FLAD1: variants seen among roughly 807,000 people sequenced by gnomAD.
FLAD1 encodes the protein flavin adenine dinucleotide synthetase 1.
Under a neutral mutation model 55.0 loss-of-function variants are expected in FLAD1, and 35 were observed. That is an observed-to-expected ratio of 0.64 (90% CI 0.49 to 0.84). The LOEUF (loss-of-function observed/expected upper bound fraction) is 0.84. Among genes scored for constraint, FLAD1 ranks in the 40% least tolerant of loss-of-function variants. The probability of loss-of-function intolerance (pLI) is 0.00; values close to 1 mark genes in which losing one functional copy is unlikely to be tolerated. For synonymous variants in FLAD1, 267 were observed against 303.0 expected (o/e 0.88, Z 1.23); for missense variants, 665 against 742.6 (o/e 0.90, Z 1.21).
In FLAD1 at chr1:154,990,241, C is replaced by G. The variant is rs1242090901; in HGVS notation, c.1348C>G (p.Gln450Glu). Residue 450 changes from glutamine to glutamate, a missense_variant, in exon 4 of 7, where the codon CAG becomes GAG. Coordinates refer to ENST00000292180, the MANE Select transcript of FLAD1 (RefSeq NM_025207.5). ...SPFPELEQFL[Q>E]DTIKRYNLQM... Reference sequence around the variant, plus strand: ...TTTCCCTGAGCTGGAACAGTTTCTACAGGACACTATCAAGAGGTACTAGGG... The same window carrying G: ...TTTCCCTGAGCTGGAACAGTTTCTAGAGGACACTATCAAGAGGTACTAGGG... 1.2e-6 allele frequency: 2 copies of G among 1,614,100 alleles called. No homozygotes were observed. Among genetic ancestry groups the G allele is most frequent in the Non-Finnish European group, 1.7e-6 (2 of 1,179,962 alleles).
At chr1:154,989,100 AAAG>A in intron 2 of FLAD1, 2 of 880,996 alleles carry the variant, frequency 2.3e-6, no homozygotes, top group Non-Finnish European at 3.4e-6. Flanking sequence ...TTTAACAAAA[AAAG>A]ATGGACATTA....
rs374422472 is a variant in FLAD1, at chr1:154,990,184, C to T, written c.1291C>T (p.Leu431Phe). ...GAAATTACCTGATGTTCCAAACCCC[C>T]TCCAGATCCTGTATATCCGCAGCAT... is the stretch of plus-strand genomic sequence containing the variant. Reference protein sequence around the residue: ...QRKLPDVPNPLQILYIRSISP... With the variant: ...QRKLPDVPNPFQILYIRSISP... The change falls in exon 4 of 7, where the codon CTC becomes TTC. Residue 431 changes from leucine to phenylalanine, a missense_variant. Transcript: ENST00000292180. 6.2e-6 allele frequency: 10 copies of T among 1,614,024 alleles called. No homozygotes were observed. In the African/African-American group the frequency reaches 1.2e-4, roughly 19 times the overall value.
intron 1 of FLAD1, among the ~76,000 whole-genome samples, chr1:154,985,773 T>C (rs1043459217): frequency 6.9e-6 from 1 of 144,284 alleles, no homozygotes; most frequent in Non-Finnish European, 1.5e-5. Flanking sequence ...TTGCCCAGGC[T>C]GGAGTGCAAT....
chr1:154,989,769 G>A (rs957033729), intron 3 of FLAD1, 62 bp downstream of exon 3: 68 of 1,462,736 alleles, frequency 4.6e-5, no homozygotes, highest in Non-Finnish European at 5.6e-5. Flanking sequence ...ATCCCAGAAA[G>A]CAAGGAGAAA....
At chr1:154,992,501 G>T (rs549087863) in intron 5 of FLAD1, 7 of 1,473,888 alleles carry the variant, frequency 4.7e-6, no homozygotes, top group Non-Finnish European at 5.6e-6. Context: ...CTAGAGGGTG[G>T]TTCAAGAATG....
intron 1 of FLAD1, among the ~76,000 whole-genome samples, chr1:154,985,946 G>A (rs1413542715): frequency 1.4e-4 from 21 of 150,854 alleles, no homozygotes; most frequent in African/African-American, 5.1e-4. Context: ...GGCTGGTCTC[G>A]AACTCCTGAC....
chr1:154,988,175 G>C lies in FLAD1; in HGVS notation c.443G>C (p.Arg148Pro). 6.2e-7 allele frequency: 1 copy of C among 1,614,200 alleles called. No individual in the cohort carries two copies. Among genetic ancestry groups the C allele is most frequent in the Non-Finnish European group, 8.5e-7 (1 of 1,180,048 alleles). ...CGCTCCCTAGGGGTCCAGGTTTGCC[G>C]AGTCTCAGTTGTACCTGATGAGGTA... ...TLRSLGVQVC[R>P]VSVVPDEVAT... The change falls in exon 2 of 7, where the codon CGA becomes CCA. Residue 148 changes from arginine to proline, a missense_variant. Physicochemically the swap from Arg to Pro is moderately radical, Grantham distance 103 (BLOSUM62 -2). Coordinates refer to ENST00000292180, the MANE Select transcript of FLAD1 (RefSeq NM_025207.5).
intron 1 of FLAD1, among the ~76,000 whole-genome samples, chr1:154,985,851 G>A (rs1032917513): frequency 2.7e-5 from 4 of 148,832 alleles, no homozygotes; most frequent in South Asian, 2.1e-4. Context: ...TCAGCTTCCC[G>A]AGTAGCTGGG....
In FLAD1 at chr1:154,984,252, C is replaced by G. The variant is rs78605724; in HGVS notation, c.372+186C>G. On this transcript the variant is annotated intron_variant, in intron 1 of 6. Coordinates refer to ENST00000292180, the MANE Select transcript of FLAD1 (RefSeq NM_025207.5). ...TTCTTTCAATTACTCTACTGAAAAA[C>G]TTGTAGCAAAGTCCCTACAATTTTT... Among the ~76,000 whole-genome samples, 1,512 of 152,058 alleles carry G rather than the reference C, an allele frequency of 9.9e-3. 24 individuals carry two copies. The highest frequency in any genetic ancestry group is 0.035 in the African/African-American group (1,461 of 41,470).
chr1:154,984,905 C>T (rs1657498387), intron 1 of FLAD1, among the ~76,000 whole-genome samples: 1 of 151,884 alleles, frequency 6.6e-6, no homozygotes, highest in Non-Finnish European at 1.5e-5. Flanking sequence ...TGCTCTGTCA[C>T]CTAGGCTGGA....
intron 1 of FLAD1, among the ~76,000 whole-genome samples, chr1:154,984,785 G>A (rs979053556): frequency 6.6e-6 from 1 of 151,794 alleles, no homozygotes; most frequent in South Asian, 2.1e-4. Flanking sequence ...GTGGATAAGT[G>A]AGCTAGAAGG....
rs1001586161 is a variant in FLAD1 at position 154,993,096 on chromosome 1, C to G, written c.*59C>G. The G allele has an allele frequency of 3.9e-6, 6 of 1,522,176 alleles. No homozygotes were observed. The African/African-American group carries it at 5.5e-5, about 14-fold the overall frequency. 94.3% of individuals were successfully genotyped at this position (1,522,176 alleles called of 1,614,324 possible). A position where few individuals can be genotyped will look rare whatever the true frequency, so the allele number is the denominator to read the frequency against. Reference sequence around the variant, plus strand: ...CCTAGGGTATAACCTGGCAATAAACCGTGCCTCTCACTGTGCCTGTTGCTC... The same window carrying G: ...CCTAGGGTATAACCTGGCAATAAACGGTGCCTCTCACTGTGCCTGTTGCTC... On this transcript the variant is annotated 3_prime_UTR_variant, in exon 7 of 7. Transcript: ENST00000292180.
At chr1:154,986,047 G>C (rs1657585982) in intron 1 of FLAD1, among the ~76,000 whole-genome samples, 1 of 151,680 alleles carries the variant, frequency 6.6e-6, no homozygotes, top group African/African-American at 2.4e-5. Context: ...GTGTGTGTGT[G>C]TGTGTGTGTG....
Position 154,992,999 on chromosome 1 carries a change from C to A in FLAD1, c.1726C>A (p.Leu576Met), listed in dbSNP as rs746567213. Reference protein sequence around the residue: ...GHPTYRPAYLLENEEEERNSR... With the variant: ...GHPTYRPAYLMENEEEERNSR... Reference sequence around the variant, plus strand: ...CCCCACATACCGTCCAGCCTATCTACTGGAGAACGAAGAAGAGGAGCGGAA... The same window carrying A: ...CCCCACATACCGTCCAGCCTATCTAATGGAGAACGAAGAAGAGGAGCGGAA... The change falls in exon 7 of 7, where the codon CTG becomes ATG. Residue 576 changes from leucine to methionine, a missense_variant. Leu to Met is a conservative substitution (Grantham distance 15, BLOSUM62 2). Coordinates refer to ENST00000292180, the MANE Select transcript of FLAD1 (RefSeq NM_025207.5). 6.2e-7 allele frequency: 1 copy of A among 1,614,094 alleles called. No individual in the cohort carries two copies. Among genetic ancestry groups the A allele is most frequent in the South Asian group, 1.1e-5 (1 of 91,088 alleles).
intron 5 of FLAD1, chr1:154,990,886 A>G: frequency 6.0e-6 from 1 of 166,564 alleles, no homozygotes; most frequent in South Asian, 2.0e-4. Context: ...TGGTATGTGG[A>G]TACCTCAATT....
intron 1 of FLAD1, 163 bp from the exon 2 acceptor site, chr1:154,987,942 G>A (rs1261712241): frequency 4.0e-6 from 6 of 1,497,922 alleles, no homozygotes; most frequent in Non-Finnish European, 5.3e-6. Context: ...CCAAACAAAT[G>A]GATTTTCCCA....
At chr1:154,988,037 C>T in intron 1 of FLAD1, 68 bp from the exon 2 acceptor site, 1 of 1,612,220 alleles carries the variant, frequency 6.2e-7, no homozygotes, top group Non-Finnish European at 8.5e-7. Flanking sequence ...TGGATGCAGC[C>T]ATCATCTTCA....
Position 154,991,223 on chromosome 1 carries a change from A to ATATAT in FLAD1, c.1554+695_1554+696insTATAT, listed in dbSNP as rs58377614. 381 of 115,948 alleles carry ATATAT rather than the reference A, an allele frequency of 3.3e-3. 2 individuals carry two copies. Among genetic ancestry groups the ATATAT allele is most frequent in the African/African-American group, 0.014 (363 of 26,714 alleles). 7.2% of individuals were successfully genotyped at this position (115,948 alleles called of 1,614,324 possible). A position where few individuals can be genotyped will look rare whatever the true frequency, so the allele number is the denominator to read the frequency against. ...CTCTGTCTCAAAAAAAAAAAAAAAA[A>ATATAT]AAATATATATATATATATGTATATA... On this transcript the variant is annotated intron_variant, in intron 5 of 6. Transcript: ENST00000292180.
chr1:154,985,229 G>GTT (rs200106951), intron 1 of FLAD1, among the ~76,000 whole-genome samples: 2 of 129,400 alleles, frequency 1.5e-5, no homozygotes, highest in Admixed American at 7.3e-5. Context: ...TGTTTTTTTT[G>GTT]TTTTTTTTGT....
Sources: allele counts gnomAD v4.1 joint callset (sites outside exome capture counted in the v4.1 genomes callset), GRCh38; gene constraint gnomAD v4.1.1; transcripts MANE v1.5; gene names NCBI Gene and HGNC (gene_info 2026-07-23, HGNC 2026-07-21).